Variants in PTPRD observed in about 807,000 individuals in gnomAD.
The protein encoded by PTPRD is receptor-type tyrosine-protein phosphatase delta.
PTPRD carries 34 observed loss-of-function variants against 214.5 expected under a neutral mutation model. The ratio of observed to expected loss-of-function variants is 0.16; its 90% CI spans 0.12 to 0.21. PTPRD has a LOEUF of 0.21. Ranked by LOEUF, PTPRD falls within the 10% of genes least tolerant of loss-of-function variation. The pLI is 1.00. For missense variants in PTPRD, 2,545 were observed against 2,398.7 expected, an observed-to-expected ratio of 1.06 and a Z score of -1.27; for synonymous variants, 1,128 against 845.7, an observed-to-expected ratio of 1.33 and a Z score of -5.79.
intron 10 of PTPRD, among the ~76,000 whole-genome samples, chr9:9,180,425 C>T (rs1225774677): frequency 8.0e-6 from 1 of 125,698 alleles, no homozygotes; most frequent in African/African-American, 3.1e-5. Context: ...GGAAGGGGAA[C>T]ATCACACAGT....
rs77933017 is a variant in PTPRD, at chr9:10,208,762, A to G, written c.-545+132201T>C. 7.1e-3 allele frequency among the ~76,000 whole-genome samples: 1,085 copies of G among 152,352 alleles called. 5 individuals are homozygous for G. The highest frequency in any genetic ancestry group is 0.054 in the Middle Eastern group (16 of 294). On this transcript the variant is annotated intron_variant, in intron 3 of 45. Coordinates refer to ENST00000381196, the MANE Select transcript of PTPRD (RefSeq NM_002839.4). ...TATTGCTAGAAATAAGTAGAAAAAC[A>G]GGAATATAAAATTAAGCCACTATCT...
At chr9:9,042,848 T>C (rs767306522) in intron 10 of PTPRD, among the ~76,000 whole-genome samples, 2 of 152,030 alleles carry the variant, frequency 1.3e-5, no homozygotes, top group Non-Finnish European at 2.9e-5. Flanking sequence ...GGATTATTGA[T>C]ACCAATATTC....
Position 8,910,182 on chromosome 9 carries a change from G to A in PTPRD, c.-104+108515C>T, listed in dbSNP as rs189948665. On this transcript the variant is annotated intron_variant, in intron 11 of 45. Coordinates refer to ENST00000381196, the MANE Select transcript of PTPRD (RefSeq NM_002839.4). ...GCCTCCCGAGTAGCTGGGACTACAG[G>A]CGCCCACAACCACGCCTAGCTAGTT... 1.1e-3 allele frequency among the ~76,000 whole-genome samples: 170 copies of A among 152,034 alleles called. 1 individual carries two copies. The highest frequency in any genetic ancestry group is 3.8e-3 in the African/African-American group (159 of 41,488).
intron 5 of PTPRD, among the ~76,000 whole-genome samples, chr9:9,804,411 AT>A (rs1370592139): frequency 1.3e-5 from 2 of 152,144 alleles, no homozygotes; most frequent in African/African-American, 4.8e-5. Context: ...AAATGGGTAA[AT>A]TGAATGTCTA....
At chr9:9,388,889 T>TA (rs2064837358) in intron 9 of PTPRD, among the ~76,000 whole-genome samples, 1 of 151,594 alleles carries the variant, frequency 6.6e-6, no homozygotes, top group East Asian at 1.9e-4. Flanking sequence ...GCCAGTCTCC[T>TA]GAAAAAAAAA....
chr9:10,310,978 G>C (rs1357697552), intron 3 of PTPRD, among the ~76,000 whole-genome samples: 1 of 152,048 alleles, frequency 6.6e-6, no homozygotes, highest in East Asian at 1.9e-4. Context: ...AGCATGTGTG[G>C]TAAATGGGAA....
intron 9 of PTPRD, among the ~76,000 whole-genome samples, chr9:9,202,708 G>A (rs1309926691): frequency 6.6e-6 from 1 of 152,172 alleles, no homozygotes; most frequent in East Asian, 1.9e-4. Flanking sequence ...CCTACCAAAT[G>A]ATCTTCTGAA....
At chr9:9,645,992 G>T (rs2096149130) in intron 7 of PTPRD, among the ~76,000 whole-genome samples, 1 of 152,068 alleles carries the variant, frequency 6.6e-6, no homozygotes. Flanking sequence ...ACTGTTTCCT[G>T]CTCCATAAAT....
intron 3 of PTPRD, among the ~76,000 whole-genome samples, chr9:10,263,207 T>C (rs1265753374): frequency 6.6e-6 from 1 of 152,250 alleles, no homozygotes; most frequent in Admixed American, 6.5e-5. Flanking sequence ...ACCAGTAGAA[T>C]AGGGTGTTGC....
chr9:10,602,878 G>T (rs2078334221), intron 2 of PTPRD, among the ~76,000 whole-genome samples: 1 of 151,606 alleles, frequency 6.6e-6, no homozygotes, highest in Non-Finnish European at 1.5e-5. Flanking sequence ...ATAGTAACTG[G>T]CAGATGGGAC....
At chr9:8,399,368 C>T (rs909483891) in intron 36 of PTPRD, among the ~76,000 whole-genome samples, 3 of 152,024 alleles carry the variant, frequency 2.0e-5, no homozygotes, top group Non-Finnish European at 2.9e-5. Flanking sequence ...TATGTAAGTG[C>T]TCTATGTTTT....
intron 11 of PTPRD, among the ~76,000 whole-genome samples, chr9:8,837,245 C>T: frequency 6.6e-6 from 1 of 151,200 alleles, no homozygotes; most frequent in East Asian, 2.0e-4. Flanking sequence ...AAACTCCTGG[C>T]CTCAAGTGAT....
At chr9:9,568,993 A>G (rs1473405625) in intron 8 of PTPRD, among the ~76,000 whole-genome samples, 2 of 151,838 alleles carry the variant, frequency 1.3e-5, no homozygotes, top group African/African-American at 4.8e-5. Context: ...TGAATAAAAG[A>G]GAGAAAAAGG....
At chr9:10,154,089 A>G (rs1225673356) in intron 3 of PTPRD, among the ~76,000 whole-genome samples, 4 of 152,232 alleles carry the variant, frequency 2.6e-5, no homozygotes, top group East Asian at 1.9e-4. Flanking sequence ...TACACTCCCT[A>G]CAACAGTGTA....
At chr9:9,229,501 C>G (rs535278307) in intron 9 of PTPRD, among the ~76,000 whole-genome samples, 1 of 152,076 alleles carries the variant, frequency 6.6e-6, no homozygotes, top group Admixed American at 6.6e-5. Context: ...AAAAAAGCAT[C>G]CAATTGGCCA....
chr9:9,791,925 A>G (rs550462799), intron 5 of PTPRD, among the ~76,000 whole-genome samples: 2 of 151,704 alleles, frequency 1.3e-5, no homozygotes, highest in Admixed American at 6.6e-5. Flanking sequence ...TGTACCTTGA[A>G]TTTTTTTTTA....
intron 3 of PTPRD, among the ~76,000 whole-genome samples, chr9:10,127,324 C>T (rs1262233078): frequency 2.6e-5 from 4 of 152,136 alleles, no homozygotes; most frequent in Non-Finnish European, 5.9e-5. Context: ...TTTCCATTAT[C>T]TCAAAATAAT....
At chr9:9,471,069 T>C (rs1199527262) in intron 8 of PTPRD, among the ~76,000 whole-genome samples, 1 of 152,192 alleles carries the variant, frequency 6.6e-6, no homozygotes, top group Admixed American at 6.5e-5. Flanking sequence ...ACAGAACTGA[T>C]AAATCTGTAA....
At position 9,425,531 on chromosome 9, in the gene PTPRD, A is replaced by G. The variant is rs553127662; in HGVS notation, c.-236-28049T>C. Among the ~76,000 whole-genome samples the G allele has an allele frequency of 3.3e-5, 5 of 149,498 alleles. No homozygotes were observed. The South Asian group carries it at 1.0e-3, about 31-fold the overall frequency. ...TGCCATAAAAGTAATGGCAAAAATCACAATTACTTTTGCAGCCTCCTAACA... is the reference window on the plus strand; with the variant it reads ...TGCCATAAAAGTAATGGCAAAAATCGCAATTACTTTTGCAGCCTCCTAACA... On this transcript the variant is annotated intron_variant, in intron 8 of 45. Transcript: ENST00000381196.
Sources: gnomAD v4.1 joint callset for allele counts (sites outside exome capture counted in the v4.1 genomes callset) on GRCh38, gnomAD v4.1.1 for gene constraint, MANE v1.5 for transcripts, NCBI Gene and HGNC (gene_info 2026-07-23, HGNC 2026-07-21) for gene names.